The following TMIE variants were observed in gnomAD, a reference collection of about 807,000 sequenced individuals.
TMIE encodes the protein transmembrane inner ear.
In TMIE, 14 loss-of-function variants were observed where a neutral mutation model predicts 16.8. The observed-to-expected ratio is 0.83, with a 90% CI of 0.55 to 1.30. The LOEUF (loss-of-function observed/expected upper bound fraction) is 1.30, where lower values mean the gene tolerates loss of function less well. Ranked by LOEUF, TMIE falls within the 50% of genes most tolerant of loss-of-function variation. The pLI, the probability that TMIE is intolerant of heterozygous loss-of-function variation, is 0.00. For missense variants in TMIE, 204 were observed against 205.9 expected (o/e 0.99, Z 0.06); for synonymous variants, 75 against 87.2 (o/e 0.86, Z 0.78).
chr3:46,709,419 G>C (rs1700592687), intron 3 of TMIE, 144 bp downstream of exon 3: 3 of 1,599,316 alleles, frequency 1.9e-6, no homozygotes, highest in Non-Finnish European at 2.6e-6. Context: ...CACAGAAATT[G>C]GTTGGCATGA....
chr3:46,696,421 C>T (rs541158198), upstream of TMIE, among the ~76,000 whole-genome samples: 11 of 152,332 alleles, frequency 7.2e-5, no homozygotes, highest in South Asian at 8.3e-4. Context: ...CTCAAGCACA[C>T]GCAGGTCTGA....
intron 2 of TMIE, among the ~76,000 whole-genome samples, chr3:46,706,259 C>G (rs568947661): frequency 1.3e-5 from 2 of 152,338 alleles, no homozygotes; most frequent in South Asian, 2.1e-4. Context: ...AGGCCCACAC[C>G]CAGGGGCCCC....
chr3:46,700,803 T>C (rs1027048938), upstream of TMIE, among the ~76,000 whole-genome samples: 1 of 151,952 alleles, frequency 6.6e-6, no homozygotes, highest in African/African-American at 2.4e-5. Context: ...GGTCAGAAAA[T>C]GGTCCTCCAG....
chr3:46,698,335 C>T (rs1700428429), upstream of TMIE, among the ~76,000 whole-genome samples: 1 of 152,090 alleles, frequency 6.6e-6, no homozygotes. Flanking sequence ...TGAGCCACCG[C>T]ACCTGGCCCT....
intron 1 of TMIE, among the ~76,000 whole-genome samples, chr3:46,704,461 CACCCAGGGCAGGACCATGTCCCTAGAT>C (rs1276266179): frequency 9.1e-5 from 13 of 142,618 alleles, no homozygotes; most frequent in Non-Finnish European, 1.2e-4. Context: ...GTCCCCTAGA[CACCCAGGGCAGGACCATGTCCCTAGAT>C]GCCCAGGGCA....
At chr3:46,704,897 A>G (rs1164092686) in intron 1 of TMIE, among the ~76,000 whole-genome samples, 1 of 151,582 alleles carries the variant, frequency 6.6e-6, no homozygotes, top group Non-Finnish European at 1.5e-5. Flanking sequence ...TCATGTCCCT[A>G]GACAGCCAGG....
chr3:46,708,031 C>T (rs1700574677), intron 2 of TMIE, among the ~76,000 whole-genome samples: 1 of 152,228 alleles, frequency 6.6e-6, no homozygotes, highest in Admixed American at 6.5e-5. Context: ...TGTGCAGCAC[C>T]CTCCTCCAAG....
upstream of TMIE, among the ~76,000 whole-genome samples, chr3:46,701,035 C>A (rs111764834): frequency 4.6e-5 from 7 of 151,932 alleles, no homozygotes; most frequent in East Asian, 1.9e-4. This position sits in a 1 kb window ranked among gnomAD's most constrained non-coding sequence, Gnocchi z 4.3. Flanking sequence ...CGCTCTGCCC[C>A]CCCCCCAAAC....
upstream of TMIE, among the ~76,000 whole-genome samples, chr3:46,699,142 G>A (rs182954596): frequency 1.8e-4 from 24 of 134,614 alleles, no homozygotes; most frequent in African/African-American, 5.7e-4. Context: ...GCACGATCTC[G>A]GCTTACCGCA....
chr3:46,703,134 G>A (rs1339624433), intron 1 of TMIE, among the ~76,000 whole-genome samples: 1 of 152,098 alleles, frequency 6.6e-6, no homozygotes, highest in African/African-American at 2.4e-5. Context: ...AGGGCTGGGG[G>A]CCATGTCACC....
intron 1 of TMIE, among the ~76,000 whole-genome samples, chr3:46,704,168 C>T (rs755929009): frequency 6.6e-6 from 1 of 151,380 alleles, no homozygotes; most frequent in Non-Finnish European, 1.5e-5. Context: ...CCCTAGACAC[C>T]CAGGGTGGAC....
chr3:46,707,335 C>T (rs867353765), intron 2 of TMIE, among the ~76,000 whole-genome samples: 7 of 152,224 alleles, frequency 4.6e-5, no homozygotes, highest in African/African-American at 1.2e-4. Context: ...CCAAGCGGCA[C>T]TTGGACATCA....
chr3:46,696,648 C>T (rs1559494201), upstream of TMIE, among the ~76,000 whole-genome samples: 1 of 152,132 alleles, frequency 6.6e-6, no homozygotes. Flanking sequence ...AAACTTTAAG[C>T]CCTGGGATTT....
chr3:46,707,047 C>G (rs1232387102), intron 2 of TMIE, among the ~76,000 whole-genome samples: 2 of 152,356 alleles, frequency 1.3e-5, no homozygotes, highest in Non-Finnish European at 2.9e-5. Context: ...AATCCCCGCC[C>G]CCCATCTGAG....
At position 46,701,510 on chromosome 3, in the gene TMIE, G is replaced by C; in HGVS notation, c.23G>C (p.Gly8Ala). 2 of 1,341,688 alleles carry C rather than the reference G, an allele frequency of 1.5e-6. No homozygotes were observed. The highest frequency in any genetic ancestry group is 1.9e-6 in the Non-Finnish European group (2 of 1,051,050). The allele number at this position is 1,341,688 out of a possible 1,614,324, so 83.1% of individuals were successfully genotyped here. A position where few individuals can be genotyped will look rare whatever the true frequency, so the allele number is the denominator to read the frequency against. MAGWPGA[G>A]PLCVLGGAAL... ...AAGATGGCGGGGTGGCCGGGCGCGG[G>C]TCCCCTCTGCGTGCTGGGCGGCGCC... The change falls in exon 1 of 4, where the codon GGT (glycine) becomes GCT (alanine). Residue 8 changes from glycine (G) to alanine (A), a missense_variant. By Grantham distance (60) the Gly-to-Ala change is moderately conservative. Transcript: ENST00000643606. The surrounding 1 kb of genome is among the most constrained non-coding windows in gnomAD (Gnocchi z 4.3).
At position 46,709,847 on chromosome 3, in the gene TMIE, G is replaced by A; in HGVS notation, c.*159G>A. ...CATCCTCATGGCCCATCAGGGGCAGGAACCAGACAATCTCGTAGGTGTCCT... is the reference window on the plus strand; with the variant it reads ...CATCCTCATGGCCCATCAGGGGCAGAAACCAGACAATCTCGTAGGTGTCCT... On this transcript the variant is annotated 3_prime_UTR_variant, in exon 4 of 4. Coordinates refer to ENST00000643606, the MANE Select transcript of TMIE (RefSeq NM_147196.3). 2 of 1,457,236 alleles carry A rather than the reference G, an allele frequency of 1.4e-6. No homozygotes were observed. The highest frequency in any genetic ancestry group is 9.3e-7 in the Non-Finnish European group (1 of 1,073,770). The allele number at this position is 1,457,236 out of a possible 1,614,324, so 90.3% of individuals were successfully genotyped here. A position where few individuals can be genotyped will look rare whatever the true frequency, so the allele number is the denominator to read the frequency against.
chr3:46,696,390 C>T (rs1700412124), intron 1 of TMIE, among the ~76,000 whole-genome samples: 1 of 152,206 alleles, frequency 6.6e-6, no homozygotes, highest in Admixed American at 6.5e-5. Context: ...TGCACCAGTG[C>T]CTTAGTACAC....
At chr3:46,703,733 C>T (rs972706903) in intron 1 of TMIE, among the ~76,000 whole-genome samples, 3 of 152,190 alleles carry the variant, frequency 2.0e-5, no homozygotes, top group Non-Finnish European at 4.4e-5. Flanking sequence ...CTGATCCTCT[C>T]TTGAGTTCTG....
At chr3:46,695,322 C>G (rs1444994782) in intron 1 of TMIE, among the ~76,000 whole-genome samples, 1 of 152,242 alleles carries the variant, frequency 6.6e-6, no homozygotes, top group Non-Finnish European at 1.5e-5. Context: ...GGTATGGGGC[C>G]TTGTGCTGCT....
Sources: gnomAD v4.1 joint callset for allele counts (sites outside exome capture counted in the v4.1 genomes callset) on GRCh38, gnomAD v4.1.1 for gene constraint, Gnocchi (gnomAD v3.1) non-coding constraint, MANE v1.5 for transcripts, NCBI Gene and HGNC (gene_info 2026-07-23, HGNC 2026-07-21) for gene names.